Variants in ZC3H12B observed in about 807,000 individuals in gnomAD.
ZC3H12B encodes the protein zinc finger CCCH-type containing 12B, also known as probable ribonuclease ZC3H12B.
A neutral mutation model predicts 43.9 loss-of-function variants in ZC3H12B; 7 were observed. That is an observed-to-expected ratio of 0.16 (90% CI 0.09 to 0.30). The LOEUF (loss-of-function observed/expected upper bound fraction) is 0.30, where lower values mean the gene tolerates loss of function less well. Ranked by LOEUF, ZC3H12B falls within the 10% of genes least tolerant of loss-of-function variation. The pLI is 1.00. For synonymous variants in ZC3H12B, 222 were observed against 241.7 expected (o/e 0.92, Z 0.76); for missense variants, 475 against 670.2 (o/e 0.71, Z 3.22).
At chrX:65,224,898 C>T in the ZC3H12B span, among the ~76,000 whole-genome samples, 2 of 112,307 alleles carry the variant, frequency 1.8e-5, no homozygotes, top group Non-Finnish European at 3.8e-5. Flanking sequence ...GAGCCCACCA[C>T]AGCTCAAGGA....
chrX:65,143,225 G>T, the ZC3H12B span, among the ~76,000 whole-genome samples: 1 of 111,111 alleles, frequency 9.0e-6, no homozygotes, highest in East Asian at 2.8e-4. Context: ...CACGTTCTTG[G>T]TTAGGTATAT....
the ZC3H12B span, among the ~76,000 whole-genome samples, chrX:65,061,226 G>A: frequency 9.0e-6 from 1 of 111,070 alleles, no homozygotes; most frequent in Non-Finnish European, 1.9e-5. Flanking sequence ...GTATACATGT[G>A]CCATGGTGCT....
chrX:65,206,391 A>C, the ZC3H12B span, among the ~76,000 whole-genome samples: 1 of 111,971 alleles, frequency 8.9e-6, no homozygotes, highest in African/African-American at 3.2e-5. Context: ...TTGACAAAGC[A>C]ACAAAAACAT....
chrX:65,134,659 A>T, the ZC3H12B span, among the ~76,000 whole-genome samples: 3 of 111,460 alleles, frequency 2.7e-5, no homozygotes, highest in Admixed American at 9.5e-5. Flanking sequence ...GAGGGTGAGG[A>T]CAGAGGACCG....
chrX:65,053,369 T>G, the ZC3H12B span, among the ~76,000 whole-genome samples: 4 of 110,886 alleles, frequency 3.6e-5, no homozygotes, highest in South Asian at 1.2e-3. Context: ...TTGGTTTTTT[T>G]TCCTTGCGAT....
the ZC3H12B span, among the ~76,000 whole-genome samples, chrX:65,091,010 G>T: frequency 9.0e-6 from 1 of 111,127 alleles, no homozygotes; most frequent in Non-Finnish European, 1.9e-5. Flanking sequence ...AGCTTTCTGA[G>T]GCTTTCCCAG....
the ZC3H12B span, among the ~76,000 whole-genome samples, chrX:65,165,428 T>C: frequency 8.9e-6 from 1 of 111,973 alleles, no homozygotes; most frequent in Non-Finnish European, 1.9e-5. Context: ...TCACACTTCA[T>C]TTGCCCCACA....
the ZC3H12B span, among the ~76,000 whole-genome samples, chrX:65,224,546 G>A: frequency 1.1e-3 from 121 of 112,787 alleles, no homozygotes; most frequent in African/African-American, 3.3e-3. Flanking sequence ...GCAGTGCACC[G>A]TGCATGAGCC....
intron 2 of ZC3H12B, among the ~76,000 whole-genome samples, chrX:65,372,501 AAAGG>A (rs542094495): frequency 0.084 from 6,976 of 83,362 alleles, 345 homozygotes; most frequent in Admixed American, 0.13. Flanking sequence ...GGAAGGAAGG[AAAGG>A]AAGGAAGGAA....
chrX:65,096,446 G>A, the ZC3H12B span, among the ~76,000 whole-genome samples: 54 of 111,963 alleles, frequency 4.8e-4, no homozygotes, highest in African/African-American at 1.7e-3. Flanking sequence ...TGTAAGAATA[G>A]ATTAGTAATG....
intron 3 of ZC3H12B, among the ~76,000 whole-genome samples, chrX:65,421,765 C>T (rs927741845): frequency 5.4e-5 from 6 of 110,407 alleles, no homozygotes; most frequent in African/African-American, 1.6e-4. Flanking sequence ...ATCGAGACCA[C>T]GGTGAAACCC....
the ZC3H12B span, among the ~76,000 whole-genome samples, chrX:65,080,602 AC>A: frequency 8.9e-6 from 1 of 111,849 alleles, no homozygotes; most frequent in African/African-American, 3.3e-5. Context: ...AAGAAAAAAA[AC>A]TTTCACCCTA....
At chrX:65,253,656 G>A in the ZC3H12B span, among the ~76,000 whole-genome samples, 2 of 111,999 alleles carry the variant, frequency 1.8e-5, no homozygotes, top group Non-Finnish European at 3.8e-5. Flanking sequence ...CCTCTTATGG[G>A]GCCCCAGCTT....
the ZC3H12B span, among the ~76,000 whole-genome samples, chrX:65,036,816 T>G: frequency 1.8e-5 from 2 of 110,498 alleles, no homozygotes; most frequent in African/African-American, 3.3e-5. Flanking sequence ...TAGAGAACCC[T>G]GCAGTAATTT....
At chrX:65,371,598 T>C (rs1304228648) in intron 2 of ZC3H12B, among the ~76,000 whole-genome samples, 1 of 112,103 alleles carries the variant, frequency 8.9e-6, no homozygotes, top group Non-Finnish European at 1.9e-5. Context: ...TTATATTCTT[T>C]TAAAAAATTC....
At chrX:65,479,161 T>C (rs1307927075) in intron 3 of ZC3H12B, among the ~76,000 whole-genome samples, 3 of 110,900 alleles carry the variant, frequency 2.7e-5, no homozygotes, top group African/African-American at 9.8e-5. Flanking sequence ...AAGCTCTAAA[T>C]TTGTTGAGTT....
At chrX:65,149,632 C>T in the ZC3H12B span, among the ~76,000 whole-genome samples, 4 of 108,015 alleles carry the variant, frequency 3.7e-5, no homozygotes, top group Non-Finnish European at 7.7e-5. Context: ...GGCATGATGG[C>T]GGGCACCTGT....
chrX:65,120,106 C>G, the ZC3H12B span, among the ~76,000 whole-genome samples: 2 of 111,939 alleles, frequency 1.8e-5, no homozygotes, highest in Admixed American at 1.9e-4. Flanking sequence ...GTTCTTTTGA[C>G]TTAGGATTAA....
At chrX:65,141,324 A>G in the ZC3H12B span, among the ~76,000 whole-genome samples, 1 of 109,687 alleles carries the variant, frequency 9.1e-6, no homozygotes, top group Non-Finnish European at 1.9e-5. Flanking sequence ...GTTCAGGAGC[A>G]TGTTGTTTAC....
Sources: gnomAD v4.1 joint callset for allele counts (sites outside exome capture counted in the v4.1 genomes callset) on GRCh38, gnomAD v4.1.1 for gene constraint, MANE v1.5 for transcripts, NCBI Gene and HGNC (gene_info 2026-07-23, HGNC 2026-07-21) for gene names.